Variants in BABAM2 observed in about 807,000 individuals in gnomAD.
BABAM2 encodes BRISC and BRCA1-A complex member 2.
BABAM2 carries 31 observed loss-of-function variants against 54.7 expected under a neutral mutation model. The observed-to-expected ratio is 0.57, with a 90% confidence interval of 0.43 to 0.77. BABAM2 has a LOEUF of 0.77. Ranked by LOEUF, BABAM2 falls within the 30% of genes least tolerant of loss-of-function variation. The probability of loss-of-function intolerance (pLI) is 0.00; values close to 1 mark genes in which losing one functional copy is unlikely to be tolerated. For synonymous variants in BABAM2, 167 were observed against 162.9 expected (o/e 1.03, Z -0.19); for missense variants, 364 against 455.8 (o/e 0.80, Z 1.83).
At chr2:28,002,078 G>A (rs1350585538) in intron 4 of BABAM2, among the ~76,000 whole-genome samples, 1 of 149,426 alleles carries the variant, frequency 6.7e-6, no homozygotes, top group South Asian at 2.1e-4. Context: ...AAAAAAAAAG[G>A]AATTTATTGA....
chr2:27,894,813 T>TC lies in BABAM2; in HGVS notation c.128+129_128+130insC, dbSNP rs566121329. 6.5e-4 allele frequency: 698 copies of TC among 1,078,794 alleles called. 2 individuals are homozygous for TC. In the African/African-American group the frequency reaches 0.01, roughly 16 times the overall value. 66.8% of individuals were successfully genotyped at this position (1,078,794 alleles called of 1,614,324 possible). On this transcript the variant is annotated intron_variant, in intron 2 of 11. Coordinates refer to ENST00000379624, the MANE Select transcript of BABAM2 (RefSeq NM_199191.3). ...CCCACCAAGTCATCATCTCATCATA[T>TC]GTTGATTCAGTTGGTTTTGTTCAGT...
At chr2:27,958,638 A>G (rs1670261571) in intron 3 of BABAM2, among the ~76,000 whole-genome samples, 1 of 151,798 alleles carries the variant, frequency 6.6e-6, no homozygotes, top group Non-Finnish European at 1.5e-5. Flanking sequence ...CTCACCTGCC[A>G]AGAGGTAGAA....
At chr2:28,323,066 A>T (rs1033936607) in intron 11 of BABAM2, among the ~76,000 whole-genome samples, 1 of 152,010 alleles carries the variant, frequency 6.6e-6, no homozygotes, top group Non-Finnish European at 1.5e-5. Context: ...AGAGCCCCCC[A>T]CTCTCATCCA....
intron 7 of BABAM2, among the ~76,000 whole-genome samples, chr2:28,223,789 C>A (rs1254580029): frequency 6.6e-6 from 1 of 152,212 alleles, no homozygotes; most frequent in East Asian, 1.9e-4. Flanking sequence ...AGGGGTGGGG[C>A]AGTCAGGTAG....
chr2:28,248,806 C>T (rs1683150847), intron 10 of BABAM2, among the ~76,000 whole-genome samples: 1 of 152,132 alleles, frequency 6.6e-6, no homozygotes, highest in East Asian at 1.9e-4. Flanking sequence ...GGCCTTTTCT[C>T]CCTGGTAAAA....
chr2:28,070,088 A>G (rs2148656524), intron 6 of BABAM2, among the ~76,000 whole-genome samples: 1 of 152,350 alleles, frequency 6.6e-6, no homozygotes, highest in African/African-American at 2.4e-5. Flanking sequence ...ACTGTGATTT[A>G]TATATCAAAT....
chr2:27,908,881 C>T (rs1341192237), intron 2 of BABAM2, among the ~76,000 whole-genome samples: 1 of 152,098 alleles, frequency 6.6e-6, no homozygotes, highest in Non-Finnish European at 1.5e-5. Context: ...TTAATTTCTC[C>T]ACATCCTCCT....
At chr2:28,176,039 T>C (rs1416624745) in intron 7 of BABAM2, among the ~76,000 whole-genome samples, 1 of 152,214 alleles carries the variant, frequency 6.6e-6, no homozygotes, top group Non-Finnish European at 1.5e-5. Context: ...TAAGGTTTTC[T>C]GACCAACTAA....
intron 3 of BABAM2, among the ~76,000 whole-genome samples, chr2:27,967,387 T>C (rs1292009212): frequency 6.6e-6 from 1 of 152,222 alleles, no homozygotes; most frequent in Non-Finnish European, 1.5e-5. Flanking sequence ...AAGATGTGAC[T>C]TGCTCCGCCT....
intron 7 of BABAM2, among the ~76,000 whole-genome samples, chr2:28,172,903 C>T (rs1165395372): frequency 6.6e-6 from 1 of 152,138 alleles, no homozygotes; most frequent in Non-Finnish European, 1.5e-5. Flanking sequence ...CTCACAGTTC[C>T]AGAGGCTAAG....
chr2:27,926,692 G>T (rs533090975), intron 2 of BABAM2, among the ~76,000 whole-genome samples: 1 of 151,862 alleles, frequency 6.6e-6, no homozygotes, highest in East Asian at 1.9e-4. Context: ...TCTCTGTCTC[G>T]TCAGTCCTAT....
intron 6 of BABAM2, among the ~76,000 whole-genome samples, chr2:28,083,918 C>A (rs903488744): frequency 6.6e-6 from 1 of 152,178 alleles, no homozygotes; most frequent in African/African-American, 2.4e-5. Flanking sequence ...ACATAGCCCC[C>A]CTTCCCTTTC....
chr2:27,913,523 A>T (rs577906019), intron 2 of BABAM2, among the ~76,000 whole-genome samples: 1 of 152,308 alleles, frequency 6.6e-6, no homozygotes, highest in African/African-American at 2.4e-5. Flanking sequence ...TATTCTGAAG[A>T]TAACTCAAAT....
chr2:28,223,970 G>T (rs1033395131), intron 7 of BABAM2, among the ~76,000 whole-genome samples: 1 of 152,252 alleles, frequency 6.6e-6, no homozygotes, highest in East Asian at 1.9e-4. Flanking sequence ...CTGAAGGGAG[G>T]TCACACTACT....
intron 10 of BABAM2, among the ~76,000 whole-genome samples, chr2:28,247,676 T>G (rs1349148494): frequency 6.6e-6 from 1 of 152,174 alleles, no homozygotes; most frequent in Non-Finnish European, 1.5e-5. Flanking sequence ...TAGCAGGACA[T>G]GAAATAGCAT....
chr2:28,024,431 A>G (rs1675504625), intron 4 of BABAM2, among the ~76,000 whole-genome samples: 1 of 152,158 alleles, frequency 6.6e-6, no homozygotes, highest in Non-Finnish European at 1.5e-5. Context: ...TCTTTGATGA[A>G]GTAACAAAAA....
chr2:28,142,716 T>C (rs1671167371), intron 7 of BABAM2, among the ~76,000 whole-genome samples: 1 of 152,212 alleles, frequency 6.6e-6, no homozygotes, highest in Non-Finnish European at 1.5e-5. Flanking sequence ...GACCTAGTAC[T>C]TTTTTCCTAA....
At chr2:28,046,099 T>G (rs1677540974) in intron 6 of BABAM2, among the ~76,000 whole-genome samples, 1 of 152,192 alleles carries the variant, frequency 6.6e-6, no homozygotes, top group African/African-American at 2.4e-5. Context: ...TCATATAAAT[T>G]ACCTAATATG....
chr2:28,166,757 G>A (rs1349868584), intron 7 of BABAM2, among the ~76,000 whole-genome samples: 1 of 152,058 alleles, frequency 6.6e-6, no homozygotes, highest in Non-Finnish European at 1.5e-5. Context: ...CCTTTCCTTT[G>A]TTGCCAGCCC....
Sources: allele counts gnomAD v4.1 joint callset (sites outside exome capture counted in the v4.1 genomes callset), GRCh38; gene constraint gnomAD v4.1.1; transcripts MANE v1.5; gene names NCBI Gene and HGNC (gene_info 2026-07-23, HGNC 2026-07-21).